The following AP2A2 variants were observed in gnomAD, a reference collection of about 807,000 sequenced individuals.
AP2A2 encodes the protein adaptor related protein complex 2 subunit alpha 2.
Under a neutral mutation model 104.2 loss-of-function variants are expected in AP2A2, and 32 were observed. That is an observed-to-expected ratio of 0.31 (90% CI 0.23 to 0.41). The LOEUF (loss-of-function observed/expected upper bound fraction) is 0.41. Among genes scored for constraint, AP2A2 ranks in the 10% least tolerant of loss-of-function variants. The pLI, the probability that AP2A2 is intolerant of heterozygous loss-of-function variation, is 1.00. For missense variants in AP2A2, 912 were observed against 1,261.0 expected (o/e 0.72, Z 4.19); for synonymous variants, 539 against 533.3 (o/e 1.01, Z -0.15).
At chr11:933,497 TTC>T (rs1853354535) in intron 1 of AP2A2, 1 of 454,298 alleles carries the variant, frequency 2.2e-6, no homozygotes, top group South Asian at 1.6e-5. Flanking sequence ...GAGGTGGGTG[TTC>T]CCGTGTAGAA....
In AP2A2 at chr11:985,428, C is replaced by G. The variant is rs759212769; in HGVS notation, c.815-7C>G. The G allele has an allele frequency of 4.5e-5, 73 of 1,613,288 alleles. No homozygotes were observed. The highest frequency in any genetic ancestry group is 5.8e-5 in the Non-Finnish European group (69 of 1,179,632). On this transcript the variant is annotated splice_region_variant and splice_polypyrimidine_tract_variant and intron_variant, in intron 7 of 21. Transcript: ENST00000448903. ...ACTGGTGAGCACCGTTCTGTCTTGC[C>G]CAGAAGACCCTGCAGTGCGAGGCCG...
chr11:977,363 A>C (rs1855081564), intron 5 of AP2A2, 139 bp downstream of exon 5: 1 of 1,177,726 alleles, frequency 8.5e-7, no homozygotes. Context: ...TGCTGAGGCC[A>C]CGGGGGCCCT....
intron 6 of AP2A2, among the ~76,000 whole-genome samples, chr11:982,925 A>C (rs1399129154): frequency 1.3e-5 from 2 of 151,758 alleles, no homozygotes; most frequent in Non-Finnish European, 2.9e-5. Context: ...TGCTGGGATT[A>C]CAGGTGTGAG....
Position 955,636 on chromosome 11 carries a change from C to T in AP2A2, c.68-3801C>T, listed in dbSNP as rs115384044. 7.9e-3 allele frequency among the ~76,000 whole-genome samples: 1,201 copies of T among 152,302 alleles called. 24 individuals are homozygous for T. Among genetic ancestry groups the T allele is most frequent in the African/African-American group, 0.028 (1,148 of 41,558 alleles). On this transcript the variant is annotated intron_variant, in intron 1 of 21. Coordinates refer to ENST00000448903, the MANE Select transcript of AP2A2 (RefSeq NM_012305.4). ...CTGGGACAGTGCTTGGGTCGGGGAGCCGCCACATAGGCACTTGATTTTCCT... is the reference window on the plus strand; with the variant it reads ...CTGGGACAGTGCTTGGGTCGGGGAGTCGCCACATAGGCACTTGATTTTCCT...
At chr11:1,001,120 A>C (rs917931977) in intron 15 of AP2A2, among the ~76,000 whole-genome samples, 2 of 152,118 alleles carry the variant, frequency 1.3e-5, no homozygotes, top group African/African-American at 4.8e-5. Context: ...GTTCCCCCTG[A>C]GGGCAGCCTG....
chr11:981,087 C>A, intron 5 of AP2A2, 111 bp from the exon 6 acceptor site: 1 of 794,420 alleles, frequency 1.3e-6, no homozygotes, highest in Non-Finnish European at 2.0e-6. Flanking sequence ...GCCGAGGTGG[C>A]TGTGGGCTGC....
intron 6 of AP2A2, among the ~76,000 whole-genome samples, 164 bp from the exon 7 acceptor site, chr11:984,481 C>T (rs763632345): frequency 1.9e-4 from 29 of 152,154 alleles, no homozygotes; most frequent in Non-Finnish European, 3.5e-4. Flanking sequence ...CCTCTCACGG[C>T]GAACCCAGGG....
chr11:955,693 A>G (rs1854211791), intron 1 of AP2A2, among the ~76,000 whole-genome samples: 1 of 152,244 alleles, frequency 6.6e-6, no homozygotes, highest in Non-Finnish European at 1.5e-5. Flanking sequence ...GAAGTTTTCT[A>G]GGGTAGGACT....
At chr11:963,041 C>A (rs946483858) in intron 2 of AP2A2, among the ~76,000 whole-genome samples, 5 of 151,830 alleles carry the variant, frequency 3.3e-5, no homozygotes, top group African/African-American at 1.2e-4. Context: ...AAGGCTCTGG[C>A]AGCCTCATTG....
rs187848593 is a variant in AP2A2, at chr11:1,001,883, T to C, written c.2123+1285T>C. 2.9e-3 allele frequency among the ~76,000 whole-genome samples: 435 copies of C among 152,320 alleles called. 2 individuals carry two copies. The highest frequency in any genetic ancestry group is 0.02 in the Middle Eastern group (6 of 294). On this transcript the variant is annotated intron_variant, in intron 15 of 21. Coordinates refer to ENST00000448903, the MANE Select transcript of AP2A2 (RefSeq NM_012305.4). The stretch of plus-strand genomic sequence containing the variant: ...TGCAGCTGGCCAGGCCTCGGGGCTC[T>C]TGTGCATGCGGCCGTCTTGGCTTTG...
At chr11:942,161 T>C (rs1853672446) in intron 1 of AP2A2, 1 of 152,132 alleles carries the variant, frequency 6.6e-6, no homozygotes, top group Non-Finnish European at 1.5e-5. Flanking sequence ...TCTCCTGACC[T>C]CGTGATCTGC....
intron 1 of AP2A2, among the ~76,000 whole-genome samples, chr11:945,523 G>A (rs1853803376): frequency 6.6e-6 from 1 of 152,118 alleles, no homozygotes; most frequent in Non-Finnish European, 1.5e-5. Context: ...AGTAGAGATG[G>A]GGTTTCACCA....
intron 1 of AP2A2, among the ~76,000 whole-genome samples, chr11:947,345 T>G (rs928109618): frequency 6.6e-6 from 1 of 152,132 alleles, no homozygotes; most frequent in Non-Finnish European, 1.5e-5. Context: ...TACAAAGTAA[T>G]AATTATAAAG....
At chr11:942,718 GT>G (rs1853698249) in intron 1 of AP2A2, among the ~76,000 whole-genome samples, 1 of 152,130 alleles carries the variant, frequency 6.6e-6, no homozygotes, top group African/African-American at 2.4e-5. Flanking sequence ...AAATGTGCAG[GT>G]TTGTTATGTG....
At chr11:983,647 T>G (rs1240779945) in intron 6 of AP2A2, among the ~76,000 whole-genome samples, 2 of 152,084 alleles carry the variant, frequency 1.3e-5, no homozygotes, top group African/African-American at 2.4e-5. Context: ...CCTCTCAAAG[T>G]GCTGGGATTA....
intron 2 of AP2A2, 57 bp from the exon 3 acceptor site, chr11:970,112 C>G: frequency 6.3e-7 from 1 of 1,591,368 alleles, no homozygotes. Flanking sequence ...CTCTGCTCTC[C>G]CCTCTCCCCT....
intron 1 of AP2A2, among the ~76,000 whole-genome samples, chr11:926,561 A>C (rs1853127793): frequency 6.6e-6 from 1 of 152,054 alleles, no homozygotes; most frequent in Non-Finnish European, 1.5e-5. Context: ...CTAGTACTGG[A>C]GCGTTTAACC....
chr11:999,350 G>C (rs985581310), intron 14 of AP2A2, among the ~76,000 whole-genome samples: 1 of 152,096 alleles, frequency 6.6e-6, no homozygotes, highest in African/African-American at 2.4e-5. Context: ...TGTCTCCACT[G>C]AAAATACAAA....
At chr11:1,001,094 CG>C (rs1422325673) in intron 15 of AP2A2, among the ~76,000 whole-genome samples, 1 of 152,236 alleles carries the variant, frequency 6.6e-6, no homozygotes, top group Non-Finnish European at 1.5e-5. Flanking sequence ...CTCACGCCTT[CG>C]GCCTCCACCC....
Sources: allele counts gnomAD v4.1 joint callset (sites outside exome capture counted in the v4.1 genomes callset), GRCh38; gene constraint gnomAD v4.1.1; transcripts MANE v1.5; gene names NCBI Gene and HGNC (gene_info 2026-07-23, HGNC 2026-07-21).